The following IGSF6 variants were observed in gnomAD, a reference collection of about 807,000 sequenced individuals.
IGSF6 encodes the protein down-regulated by activation (immunoglobulin superfamily).
IGSF6 carries 23 observed loss-of-function variants against 24.7 expected under a neutral mutation model. The ratio of observed to expected loss-of-function variants is 0.93; its 90% CI spans 0.67 to 1.32. The LOEUF is 1.32. Ranked by LOEUF, IGSF6 falls within the 40% of genes most tolerant of loss-of-function variation. IGSF6 has a pLI of 0.00. For synonymous variants in IGSF6, 110 were observed against 113.7 expected, an observed-to-expected ratio of 0.97 and a Z score of 0.21; for missense variants, 295 against 293.6, an observed-to-expected ratio of 1.00 and a Z score of -0.04.
At chr16:21,643,201 C>G (rs747389296) in intron 4 of IGSF6, 47 bp from the exon 5 acceptor site, 1 of 1,389,070 alleles carries the variant, frequency 7.2e-7, no homozygotes. Context: ...GGAATATAAG[C>G]GATGATAACG....
At chr16:21,647,925 C>A (rs1257885858) in intron 1 of IGSF6, among the ~76,000 whole-genome samples, 1 of 152,206 alleles carries the variant, frequency 6.6e-6, no homozygotes. Context: ...CCTGTGTCCC[C>A]AGACGAACGT....
chr16:21,648,225 T>C (rs1966480088), intron 1 of IGSF6, among the ~76,000 whole-genome samples: 1 of 152,170 alleles, frequency 6.6e-6, no homozygotes, highest in Admixed American at 6.5e-5. Context: ...ATTTATCTTA[T>C]TTAATTAACA....
At position 21,652,547 on chromosome 16, in the gene IGSF6, T is replaced by C; in HGVS notation, c.52A>G (p.Ile18Val). The change falls in exon 1 of 6, where the codon ATT becomes GTT. Residue 18 changes from isoleucine to valine, a missense_variant. Ile to Val is a conservative substitution (Grantham distance 29, BLOSUM62 3). Coordinates refer to ENST00000268389, the MANE Select transcript of IGSF6 (RefSeq NM_005849.4). ...NIARHLQTNL[I>V]LFCVGAVGAC... The stretch of plus-strand genomic sequence containing the variant: ...AGAACCTTACCGACACAAAATAGAA[T>C]GAGATTGGTTTGCAGATGGCGAGCG... 3.1e-6 allele frequency: 5 copies of C among 1,609,816 alleles called. No individual in the cohort carries two copies. In the East Asian group the frequency reaches 8.9e-5, roughly 29 times the overall value.
At chr16:21,641,633 T>C in intron 5 of IGSF6, 40 bp from the exon 6 acceptor site, 6 of 1,352,710 alleles carry the variant, frequency 4.4e-6, no homozygotes, top group Non-Finnish European at 6.3e-6. Context: ...TTTAAGGTTA[T>C]GTAACCAATG....
At chr16:21,645,070 C>T (rs1381121339) in intron 2 of IGSF6, among the ~76,000 whole-genome samples, 1 of 152,172 alleles carries the variant, frequency 6.6e-6, no homozygotes, top group African/African-American at 2.4e-5. Context: ...AGTAACATGC[C>T]ATGTCTTCAA....
intron 1 of IGSF6, among the ~76,000 whole-genome samples, chr16:21,648,220 T>C (rs1966480021): frequency 6.6e-6 from 1 of 152,200 alleles, no homozygotes; most frequent in Non-Finnish European, 1.5e-5. Context: ...GTAGCATTTA[T>C]CTTATTTAAT....
Position 21,641,593 on chromosome 16 carries a change from C to T in IGSF6, c.667G>A (p.Glu223Lys), listed in dbSNP as rs1966270183. 1.3e-6 allele frequency: 2 copies of T among 1,560,256 alleles called. No homozygotes were observed. Among genetic ancestry groups the T allele is most frequent in the East Asian group, 4.5e-5 (2 of 44,294 alleles). The stretch of plus-strand genomic sequence containing the variant: ...TTTTCATAAGTGTTGTTATCTTTCT[C>T]CTGCAATAATAAATAAATAGAAAGC... ...KRHVETNQQS[E>K]KDNNTYENRR... The change falls in exon 6 of 6, where the codon GAG becomes AAG. Residue 223 changes from glutamate (E) to lysine (K), a missense_variant and splice_region_variant. Coordinates refer to ENST00000268389, the MANE Select transcript of IGSF6 (RefSeq NM_005849.4).
intron 3 of IGSF6, 118 bp from the exon 4 acceptor site, chr16:21,643,716 A>C: frequency 1.6e-6 from 1 of 644,666 alleles, no homozygotes; most frequent in South Asian, 2.1e-5. Flanking sequence ...ATACAATGAG[A>C]CTTAATTTTT....
Position 21,643,123 on chromosome 16 carries a change from A to G in IGSF6, c.617T>C (p.Ile206Thr), listed in dbSNP as rs1188152687. Reference sequence around the variant, plus strand: ...TCTCTTATGGTATAGTTCTTGAGCAATTTCCTGAAAAATACGCCGAGCACT... The same window carrying G: ...TCTCTTATGGTATAGTTCTTGAGCAGTTTCCTGAAAAATACGCCGAGCACT... Reference protein sequence around the residue: ...KKSARRIFQEIAQELYHKRHV... With the variant: ...KKSARRIFQETAQELYHKRHV... Residue 206 changes from isoleucine (I) to threonine (T), a missense_variant, in exon 5 of 6, where the codon ATT becomes ACT. Ile to Thr is a moderately conservative substitution (Grantham distance 89, BLOSUM62 -1). Transcript: ENST00000268389. The G allele has an allele frequency of 6.8e-6, 11 of 1,609,430 alleles. No homozygotes were observed. The highest frequency in any genetic ancestry group is 9.3e-6 in the Non-Finnish European group (11 of 1,178,376).
chr16:21,651,165 G>C (rs1022455420), intron 1 of IGSF6, among the ~76,000 whole-genome samples: 1 of 152,206 alleles, frequency 6.6e-6, no homozygotes, highest in Non-Finnish European at 1.5e-5. Flanking sequence ...GGAGCTTGCA[G>C]TGAGCCGAGA....
intron 1 of IGSF6, among the ~76,000 whole-genome samples, chr16:21,648,554 G>A (rs1488606605): frequency 2.6e-5 from 4 of 152,328 alleles, no homozygotes; most frequent in East Asian, 3.9e-4. Flanking sequence ...CCACTCCAGT[G>A]TACTGTCCAC....
chr16:21,648,621 C>T (rs959344879), intron 1 of IGSF6, among the ~76,000 whole-genome samples: 1 of 152,188 alleles, frequency 6.6e-6, no homozygotes, highest in Non-Finnish European at 1.5e-5. Flanking sequence ...CCTTTATATC[C>T]CAGGCATGTG....
intron 1 of IGSF6, among the ~76,000 whole-genome samples, chr16:21,649,427 G>T (rs1363850915): frequency 6.6e-6 from 1 of 152,126 alleles, no homozygotes; most frequent in African/African-American, 2.4e-5. Context: ...TCTGAGCTTC[G>T]TGTCTGTGGG....
In IGSF6 at chr16:21,641,525, A is replaced by G. The variant is rs747031982; in HGVS notation, c.*9T>C. On this transcript the variant is annotated 3_prime_UTR_variant, in exon 6 of 6. Transcript: ENST00000268389. ...ATTTTCAGTGACTTCATTGAAAATT[A>G]AAACGTTTCTATGGCCTTTCATAGT... 6.4e-7 allele frequency: 1 copy of G among 1,556,046 alleles called. No homozygotes were observed. The highest frequency in any genetic ancestry group is 1.1e-5 in the South Asian group (1 of 87,748).
In IGSF6 at chr16:21,647,416, G is replaced by A; in HGVS notation, c.144C>T (p.Thr48=). The part of the protein sequence containing the change: ...LEVDYTHEAV[T]IKCTFSATGC... ...CGGTTGCGGAGAAGGTACACTTTAT[G>A]GTGACGGCCTCATGAGTGTAGTCCA... is the stretch of plus-strand genomic sequence containing the variant. The change falls in exon 2 of 6, where the codon ACC becomes ACT. Residue 48 remains threonine, a synonymous_variant. Transcript: ENST00000268389. The A allele has an allele frequency of 3.7e-6, 6 of 1,614,026 alleles. No homozygotes were observed. The Admixed American group carries it at 5.0e-5, about 13-fold the overall frequency.
Position 21,641,651 on chromosome 16 carries a change from C to T in IGSF6, c.667-58G>A, listed in dbSNP as rs1028888623. ...AAGGTTATGTAACCAATGAAGCCAA[C>T]TGCCAAGGAACATGCAAACCACTGG... On this transcript the variant is annotated intron_variant, in intron 5 of 5. Coordinates refer to ENST00000268389, the MANE Select transcript of IGSF6 (RefSeq NM_005849.4). 5.4e-6 allele frequency: 6 copies of T among 1,104,292 alleles called. No individual in the cohort carries two copies. The African/African-American group carries it at 9.5e-5, about 17-fold the overall frequency. 68.4% of individuals were successfully genotyped at this position (1,104,292 alleles called of 1,614,324 possible).
Position 21,647,439 on chromosome 16 carries a change from C to A in IGSF6, c.121G>T (p.Asp41Tyr). The A allele has an allele frequency of 6.2e-7, 1 of 1,614,004 alleles. No homozygotes were observed. Among genetic ancestry groups the A allele is most frequent in the Non-Finnish European group, 8.5e-7 (1 of 1,179,976 alleles). The stretch of plus-strand genomic sequence containing the variant: ...ATGGTGACGGCCTCATGAGTGTAGT[C>A]CACTTCTAGGTACCACGGTTGTGTG... Reference protein sequence around the residue: ...SVTQPWYLEVDYTHEAVTIKC... With the variant: ...SVTQPWYLEVYYTHEAVTIKC... Residue 41 changes from aspartate to tyrosine, a missense_variant, in exon 2 of 6, where the codon GAC becomes TAC. Physicochemically the swap from Asp to Tyr is radical, Grantham distance 160 (BLOSUM62 -3). Coordinates refer to ENST00000268389, the MANE Select transcript of IGSF6 (RefSeq NM_005849.4).
At chr16:21,651,354 G>T (rs567495916) in intron 1 of IGSF6, among the ~76,000 whole-genome samples, 138 of 152,180 alleles carry the variant, frequency 9.1e-4, no homozygotes, top group Non-Finnish European at 1.6e-3. Flanking sequence ...GAGTGCAGTG[G>T]CACAATCACA....
chr16:21,651,357 C>A (rs1258863352), intron 1 of IGSF6, among the ~76,000 whole-genome samples: 1 of 152,168 alleles, frequency 6.6e-6, no homozygotes, highest in Non-Finnish European at 1.5e-5. Context: ...TGCAGTGGCA[C>A]AATCACAGCT....
Sources: gnomAD v4.1 joint callset for allele counts (sites outside exome capture counted in the v4.1 genomes callset) on GRCh38, gnomAD v4.1.1 for gene constraint, MANE v1.5 for transcripts, NCBI Gene and HGNC (gene_info 2026-07-23, HGNC 2026-07-21) for gene names.